POLK: variants seen among roughly 807,000 people sequenced by gnomAD.
The protein encoded by POLK is DNA polymerase kappa.
POLK carries 76 observed loss-of-function variants against 94.0 expected under a neutral mutation model. The observed-to-expected ratio is 0.81, with a 90% CI of 0.67 to 0.98. The LOEUF is 0.98. Among genes scored for constraint, POLK ranks in the 50% least tolerant of loss-of-function variants. The probability of loss-of-function intolerance (pLI) is 0.00; values close to 1 mark genes in which losing one functional copy is unlikely to be tolerated. For missense variants in POLK, 954 were observed against 1,010.1 expected, an observed-to-expected ratio of 0.94 and a Z score of 0.75; for synonymous variants, 349 against 325.4, an observed-to-expected ratio of 1.07 and a Z score of -0.78.
At chr5:75,527,502 TAC>T (rs58797043) in intron 1 of POLK, among the ~76,000 whole-genome samples, 9,076 of 132,824 alleles carry the variant, frequency 0.068, 348 homozygotes, top group East Asian at 0.14. Flanking sequence ...AATTTATATA[TAC>T]ACACACACAC....
intron 1 of POLK, among the ~76,000 whole-genome samples, chr5:75,530,701 T>C (rs1473276070): frequency 1.3e-5 from 2 of 151,962 alleles, no homozygotes; most frequent in Non-Finnish European, 2.9e-5. Flanking sequence ...TTTATTTTTA[T>C]CTGTATATTA....
chr5:75,584,976 A>G (rs1166510887), intron 9 of POLK, 50 bp downstream of exon 9: 18 of 1,229,804 alleles, frequency 1.5e-5, no homozygotes, highest in African/African-American at 1.1e-4. Context: ...TTGCTGCAAT[A>G]TCAGTTTTAA....
intron 4 of POLK, among the ~76,000 whole-genome samples, chr5:75,572,786 A>G (rs1353895809): frequency 2.6e-5 from 4 of 152,196 alleles, no homozygotes; most frequent in Non-Finnish European, 1.5e-5. Context: ...CTATAATCAG[A>G]GAAATGCAAA....
intron 10 of POLK, among the ~76,000 whole-genome samples, chr5:75,588,652 A>G (rs1272480757): frequency 6.6e-6 from 1 of 152,190 alleles, no homozygotes; most frequent in Non-Finnish European, 1.5e-5. Context: ...AAACAAAACA[A>G]ATTTATTCTC....
At chr5:75,511,593 C>A (rs1007220739), upstream of POLK, 5 of 1,466,068 alleles carry the variant, frequency 3.4e-6, no homozygotes, top group Admixed American at 7.3e-5. Context: ...CTCACACCTC[C>A]GCTACCGCCG....
intron 6 of POLK, among the ~76,000 whole-genome samples, chr5:75,578,165 C>CT (rs1235506540): frequency 4.0e-5 from 6 of 151,710 alleles, no homozygotes; most frequent in Admixed American, 6.6e-5. Flanking sequence ...TAATTTTTTT[C>CT]TTTTTTTTGA....
intron 3 of POLK, among the ~76,000 whole-genome samples, chr5:75,557,825 T>C (rs972867859): frequency 1.3e-5 from 2 of 152,220 alleles, no homozygotes; most frequent in African/African-American, 4.8e-5. Context: ...AGTCTCCCTC[T>C]GTCACCCAGG....
chr5:75,601,958 T>A (rs186334566), downstream of POLK, among the ~76,000 whole-genome samples: 1 of 152,252 alleles, frequency 6.6e-6, no homozygotes, highest in East Asian at 1.9e-4. Flanking sequence ...GGTATTTGTG[T>A]CCCCACTCCC....
chr5:75,549,387 GTTTT>G (rs1319639126), intron 2 of POLK, among the ~76,000 whole-genome samples: 3 of 151,524 alleles, frequency 2.0e-5, no homozygotes, highest in African/African-American at 7.3e-5. Context: ...TAAACAACAT[GTTTT>G]TTTATTATCA....
intron 2 of POLK, among the ~76,000 whole-genome samples, chr5:75,551,189 G>T (rs917764294): frequency 3.3e-4 from 50 of 152,174 alleles, no homozygotes; most frequent in African/African-American, 1.2e-3. Context: ...AAATTTCTTA[G>T]ATGTGATACT....
intron 1 of POLK, among the ~76,000 whole-genome samples, chr5:75,545,841 C>G (rs1468752060): frequency 6.6e-6 from 1 of 152,074 alleles, no homozygotes; most frequent in Non-Finnish European, 1.5e-5. Context: ...ACATGTGTTG[C>G]CACTTGTTAG....
chr5:75,581,602 A>G (rs1179088804), intron 7 of POLK, 154 bp downstream of exon 7: 5 of 639,504 alleles, frequency 7.8e-6, no homozygotes, highest in Non-Finnish European at 1.3e-5. Flanking sequence ...TATTCAGAAT[A>G]GCTGTGAACC....
At chr5:75,534,668 A>G (rs937352808) in intron 1 of POLK, among the ~76,000 whole-genome samples, 17 of 152,180 alleles carry the variant, frequency 1.1e-4, no homozygotes, top group African/African-American at 3.1e-4. Flanking sequence ...TGTTGAGTGC[A>G]TATATATTTA....
chr5:75,591,155 G>A (rs5744697), intron 11 of POLK, among the ~76,000 whole-genome samples: 1,879 of 152,234 alleles, frequency 0.012, 44 homozygotes, highest in African/African-American at 0.043. Flanking sequence ...AGCTAGAAGA[G>A]AATAATTTGA....
chr5:75,530,396 C>CTTTTTTTTTTTTTTT (rs201266079), intron 1 of POLK, among the ~76,000 whole-genome samples: 3 of 61,626 alleles, frequency 4.9e-5, no homozygotes, highest in Non-Finnish European at 9.7e-5. Context: ...TTCCCTTTTT[C>CTTTTTTTTTTTTTTT]TTTTTTTTTT....
At chr5:75,540,008 G>A (rs538565090) in intron 1 of POLK, among the ~76,000 whole-genome samples, 38 of 152,222 alleles carry the variant, frequency 2.5e-4, no homozygotes, top group African/African-American at 8.7e-4. Context: ...TACACTATTA[G>A]AGCTGTAAGA....
At chr5:75,587,341 G>T in intron 10 of POLK, among the ~76,000 whole-genome samples, 1 of 152,222 alleles carries the variant, frequency 6.6e-6, no homozygotes, top group Middle Eastern at 3.4e-3. Flanking sequence ...TTTCTAGCTT[G>T]TTTATAAGGA....
chr5:75,564,525 T>A (rs1200987076), intron 3 of POLK, among the ~76,000 whole-genome samples: 1 of 152,254 alleles, frequency 6.6e-6, no homozygotes, highest in East Asian at 1.9e-4. Context: ...CAGTGCCTGG[T>A]ACCGGTTTTT....
intron 10 of POLK, among the ~76,000 whole-genome samples, chr5:75,588,865 C>T (rs1472458521): frequency 6.6e-6 from 1 of 152,194 alleles, no homozygotes; most frequent in Admixed American, 6.5e-5. Flanking sequence ...ACGTTGGGCA[C>T]AGCTGGACAT....
Sources: gnomAD v4.1 joint callset for allele counts (sites outside exome capture counted in the v4.1 genomes callset) on GRCh38, gnomAD v4.1.1 for gene constraint, MANE v1.5 for transcripts, NCBI Gene and HGNC (gene_info 2026-07-23, HGNC 2026-07-21) for gene names.